SPOCK1: variants seen among roughly 807,000 people sequenced by gnomAD.
SPOCK1 encodes the protein SPARC (osteonectin), cwcv and kazal like domains proteoglycan 1, also known as testican-1.
Under a neutral mutation model 55.3 loss-of-function variants are expected in SPOCK1, and 23 were observed. The observed-to-expected ratio is 0.42, with a 90% CI of 0.30 to 0.59. The LOEUF (loss-of-function observed/expected upper bound fraction) is 0.59. Among genes scored for constraint, SPOCK1 ranks in the 20% least tolerant of loss-of-function variants. The pLI is 0.22. For missense variants in SPOCK1, 499 were observed against 552.5 expected (o/e 0.90, Z 0.97); for synonymous variants, 226 against 221.0 (o/e 1.02, Z -0.20).
intron 2 of SPOCK1, among the ~76,000 whole-genome samples, chr5:137,289,192 G>A (rs1208811631): frequency 1.3e-5 from 2 of 152,178 alleles, no homozygotes; most frequent in Non-Finnish European, 2.9e-5. Context: ...CTTAGCTAAA[G>A]GACTGATGAA....
chr5:137,439,527 C>A (rs1159481499), intron 2 of SPOCK1, among the ~76,000 whole-genome samples: 1 of 152,214 alleles, frequency 6.6e-6, no homozygotes, highest in African/African-American at 2.4e-5. Flanking sequence ...AACAAGCAGT[C>A]AGGCCCCTAG....
intron 9 of SPOCK1, among the ~76,000 whole-genome samples, chr5:136,982,386 G>A (rs781205371): frequency 2.0e-5 from 3 of 152,120 alleles, no homozygotes; most frequent in Non-Finnish European, 4.4e-5. Context: ...TAATAAATGT[G>A]TTTGACCTGT....
At chr5:137,479,799 T>C (rs968397689) in intron 2 of SPOCK1, among the ~76,000 whole-genome samples, 2 of 152,208 alleles carry the variant, frequency 1.3e-5, no homozygotes, top group Non-Finnish European at 2.9e-5. Flanking sequence ...CATGGAGTTA[T>C]TGGTTACCAC....
At chr5:137,245,989 T>C (rs2127103150) in intron 3 of SPOCK1, among the ~76,000 whole-genome samples, 1 of 152,316 alleles carries the variant, frequency 6.6e-6, no homozygotes, top group South Asian at 2.1e-4. Flanking sequence ...CTATAACACC[T>C]ATTAACAGGA....
intron 3 of SPOCK1, among the ~76,000 whole-genome samples, chr5:137,243,241 A>G (rs1282773141): frequency 6.6e-6 from 1 of 152,176 alleles, no homozygotes; most frequent in Non-Finnish European, 1.5e-5. Context: ...ATACCTGGGG[A>G]AAAGCACGCT....
intron 3 of SPOCK1, among the ~76,000 whole-genome samples, chr5:137,253,048 T>C (rs1756567348): frequency 6.6e-6 from 1 of 152,184 alleles, no homozygotes; most frequent in Admixed American, 6.5e-5. Flanking sequence ...GCAAAAGCAC[T>C]TCCTTTTCTA....
rs1371094368 is a variant in SPOCK1, at chr5:137,367,273, C to A, written c.187-100218G>T. On this transcript the variant is annotated intron_variant, in intron 2 of 10. Coordinates refer to ENST00000394945, the MANE Select transcript of SPOCK1 (RefSeq NM_004598.4). ...CAAAATGCATGATTGACAAGAAGAG[C>A]CCTGGTCTGGACTCTCCGTAAGCCT... Among the ~76,000 whole-genome samples the A allele has an allele frequency of 2.0e-5, 3 of 152,258 alleles. No homozygotes were observed. In the East Asian group the frequency reaches 5.8e-4, roughly 29 times the overall value.
intron 2 of SPOCK1, among the ~76,000 whole-genome samples, chr5:137,375,992 C>T (rs1193971904): frequency 1.3e-5 from 2 of 152,174 alleles, no homozygotes; most frequent in African/African-American, 4.8e-5. Flanking sequence ...TAAGAAGGCA[C>T]CATGAGAAAC....
At chr5:137,113,173 C>T (rs2127033086) in intron 4 of SPOCK1, among the ~76,000 whole-genome samples, 1 of 152,312 alleles carries the variant, frequency 6.6e-6, no homozygotes, top group South Asian at 2.1e-4. Flanking sequence ...CAGAATTCTA[C>T]TCTTTCATTC....
At chr5:137,208,551 T>C (rs1220369835) in intron 3 of SPOCK1, among the ~76,000 whole-genome samples, 1 of 152,206 alleles carries the variant, frequency 6.6e-6, no homozygotes, top group African/African-American at 2.4e-5. Flanking sequence ...ATCACATATT[T>C]TGCAGCAACA....
chr5:137,228,118 C>T (rs992577057), intron 3 of SPOCK1, among the ~76,000 whole-genome samples: 5 of 152,170 alleles, frequency 3.3e-5, no homozygotes, highest in African/African-American at 9.7e-5. Context: ...TCTGAGCATC[C>T]CTGAATGACT....
At chr5:137,420,653 C>T (rs1580916811) in intron 2 of SPOCK1, among the ~76,000 whole-genome samples, 1 of 152,184 alleles carries the variant, frequency 6.6e-6, no homozygotes, top group Admixed American at 6.5e-5. Flanking sequence ...TCCCCTTTAT[C>T]ATTTTGTATT....
At chr5:137,180,126 A>C (rs1327311195) in intron 3 of SPOCK1, among the ~76,000 whole-genome samples, 1 of 152,276 alleles carries the variant, frequency 6.6e-6, no homozygotes, top group Admixed American at 6.5e-5. Context: ...AGAGGCAAGC[A>C]TCCGGTTCTC....
chr5:137,451,285 A>T (rs558002963), intron 2 of SPOCK1, among the ~76,000 whole-genome samples: 1 of 152,130 alleles, frequency 6.6e-6, no homozygotes, highest in African/African-American at 2.4e-5. Context: ...TTACCCCCAA[A>T]CACTCCTGCA....
intron 3 of SPOCK1, among the ~76,000 whole-genome samples, chr5:137,198,688 C>T (rs917123750): frequency 6.6e-5 from 10 of 152,090 alleles, no homozygotes; most frequent in African/African-American, 2.4e-4. Flanking sequence ...CTAGCATCTC[C>T]TTGACTTATT....
At chr5:137,307,170 T>C (rs1251524455) in intron 2 of SPOCK1, among the ~76,000 whole-genome samples, 1 of 152,212 alleles carries the variant, frequency 6.6e-6, no homozygotes, top group Non-Finnish European at 1.5e-5. Context: ...TTCCACACAC[T>C]AGGAGATAAA....
intron 3 of SPOCK1, among the ~76,000 whole-genome samples, chr5:137,203,678 G>A (rs1349620766): frequency 1.3e-5 from 2 of 152,056 alleles, no homozygotes; most frequent in Non-Finnish European, 2.9e-5. Flanking sequence ...CTTGGCATAC[G>A]GGGCCACGTA....
rs575708628 is a variant in SPOCK1, at chr5:137,263,171, G to A, written c.232+3839C>T. On this transcript the variant is annotated intron_variant, in intron 3 of 10. Transcript: ENST00000394945. The stretch of plus-strand genomic sequence containing the variant: ...TCTGAGTATCTGATAGGTGTGTAGT[G>A]GAAAAAAATTGAAAATATGGTCACA... 5.1e-4 allele frequency among the ~76,000 whole-genome samples: 76 copies of A among 149,812 alleles called. 1 individual carries two copies. The highest frequency in any genetic ancestry group is 1.4e-3 in the African/African-American group (57 of 41,376).
intron 2 of SPOCK1, among the ~76,000 whole-genome samples, chr5:137,311,756 T>G (rs190298621): frequency 5.6e-4 from 85 of 152,114 alleles, no homozygotes; most frequent in African/African-American, 1.9e-3. Context: ...CTGTTAACAT[T>G]TTGATGTCTG....
Sources: gnomAD v4.1 joint callset for allele counts (sites outside exome capture counted in the v4.1 genomes callset) on GRCh38, gnomAD v4.1.1 for gene constraint, MANE v1.5 for transcripts, NCBI Gene and HGNC (gene_info 2026-07-23, HGNC 2026-07-21) for gene names.